Variants in CSNK2A2 observed in about 807,000 individuals in gnomAD.
CSNK2A2 encodes the protein casein kinase II subunit alpha'.
In CSNK2A2, 8 loss-of-function variants were observed where a neutral mutation model predicts 54.0. That is an observed-to-expected ratio of 0.15 (90% CI 0.09 to 0.27). The LOEUF (loss-of-function observed/expected upper bound fraction) is 0.27, where lower values mean the gene tolerates loss of function less well. Ranked by LOEUF, CSNK2A2 falls within the 10% of genes least tolerant of loss-of-function variation. The probability of loss-of-function intolerance (pLI) is 1.00; values close to 1 mark genes in which losing one functional copy is unlikely to be tolerated. For missense variants in CSNK2A2, 242 were observed against 439.4 expected (o/e 0.55, Z 4.02); for synonymous variants, 141 against 153.9 (o/e 0.92, Z 0.62).
At chr16:58,173,308 TG>T (rs752444530) in intron 5 of CSNK2A2, among the ~76,000 whole-genome samples, 2 of 152,218 alleles carry the variant, frequency 1.3e-5, no homozygotes, top group African/African-American at 2.4e-5. Context: ...TAATAAAAAG[TG>T]GTGCGTACAA....
At position 58,167,697 on chromosome 16, in the gene CSNK2A2, G is replaced by A. The variant is rs145261377; in HGVS notation, c.612C>T (p.Leu204=). The change falls in exon 7 of 12, where the codon CTC becomes CTT. Residue 204 remains leucine, a synonymous_variant. Coordinates refer to ENST00000262506, the MANE Select transcript of CSNK2A2 (RefSeq NM_001896.4). ...CTAACAAGTTTACCTGATAGTCCACGAGGAGCTCTGGTCCCTTGAAGTACC... is the reference window on the plus strand; with the variant it reads ...CTAACAAGTTTACCTGATAGTCCACAAGGAGCTCTGGTCCCTTGAAGTACC... ...ASRYFKGPEL[L]VDYQMYDYSL... 9.3e-6 allele frequency: 15 copies of A among 1,612,658 alleles called. No individual in the cohort carries two copies. Among genetic ancestry groups the A allele is most frequent in the African/African-American group, 2.7e-5 (2 of 74,862 alleles).
chr16:58,194,505 T>C (rs779757394), intron 2 of CSNK2A2, among the ~76,000 whole-genome samples: 8 of 152,186 alleles, frequency 5.3e-5, no homozygotes, highest in Non-Finnish European at 8.8e-5. Flanking sequence ...TTTTCACTAG[T>C]GGTTTAGGCT....
At chr16:58,196,249 A>G (rs1386946221) in intron 2 of CSNK2A2, among the ~76,000 whole-genome samples, 1 of 152,238 alleles carries the variant, frequency 6.6e-6, no homozygotes, top group Non-Finnish European at 1.5e-5. Flanking sequence ...ATGTCTGCAC[A>G]TTTTCTTGAA....
In CSNK2A2 at chr16:58,179,734, C is replaced by T. The variant is rs530707862; in HGVS notation, c.369+4526G>A. Among the ~76,000 whole-genome samples, 64 of 152,192 alleles carry T rather than the reference C, an allele frequency of 4.2e-4. No homozygotes were observed. In the South Asian group the frequency reaches 0.011, roughly 27 times the overall value. ...GTGAGTTCCATAACCATGGGATACA[C>T]GTAAAATGACGCTTAGGGTTGTACA... On this transcript the variant is annotated intron_variant, in intron 4 of 11. Coordinates refer to ENST00000262506, the MANE Select transcript of CSNK2A2 (RefSeq NM_001896.4).
chr16:58,197,516 C>T lies in CSNK2A2; in HGVS notation c.104+117G>A, dbSNP rs867066879. The T allele has an allele frequency of 1.2e-4, 63 of 516,662 alleles. No individual in the cohort carries two copies. Among genetic ancestry groups the T allele is most frequent in the African/African-American group, 7.9e-4 (38 of 48,082 alleles). The allele number at this position is 516,662 out of a possible 1,614,324, so 32.0% of individuals were successfully genotyped here. ...GTGCGAGAGCGGGACCTCTGCCTCCCTGCGGGCCCGCGGAGGGGTCGGCGG... is the reference window on the plus strand; with the variant it reads ...GTGCGAGAGCGGGACCTCTGCCTCCTTGCGGGCCCGCGGAGGGGTCGGCGG... On this transcript the variant is annotated intron_variant, in intron 1 of 11. Transcript: ENST00000262506. This position sits in a 1 kb window ranked among gnomAD's most constrained non-coding sequence, Gnocchi z 4.0.
At chr16:58,192,390 T>C (rs1962339594) in intron 2 of CSNK2A2, among the ~76,000 whole-genome samples, 1 of 151,582 alleles carries the variant, frequency 6.6e-6, no homozygotes, top group South Asian at 2.1e-4. Context: ...ACTATTAAAC[T>C]ATTAATCCCG....
At chr16:58,182,700 C>T (rs1962088727) in intron 4 of CSNK2A2, among the ~76,000 whole-genome samples, 1 of 152,084 alleles carries the variant, frequency 6.6e-6, no homozygotes, top group African/African-American at 2.4e-5. Flanking sequence ...GATAAGGTTT[C>T]AACTTTTGCA....
At chr16:58,196,670 G>A (rs1962461221) in intron 2 of CSNK2A2, 63 bp downstream of exon 2, 13 of 962,148 alleles carry the variant, frequency 1.4e-5, no homozygotes, top group South Asian at 5.1e-5. Flanking sequence ...TGTGACTGGG[G>A]TACCTTACAA....
At chr16:58,167,861 G>C in intron 6 of CSNK2A2, 66 bp from the exon 7 acceptor site, 1 of 1,178,674 alleles carries the variant, frequency 8.5e-7, no homozygotes, top group Admixed American at 1.7e-5. Context: ...TTAGAACAAG[G>C]CCACATCACA....
At chr16:58,182,260 G>A (rs1962060706) in intron 4 of CSNK2A2, among the ~76,000 whole-genome samples, 2 of 151,436 alleles carry the variant, frequency 1.3e-5, no homozygotes, top group Admixed American at 1.3e-4. Context: ...GCTAGGTGCG[G>A]TGGCTCACGC....
chr16:58,177,951 G>A (rs974559527), intron 4 of CSNK2A2, among the ~76,000 whole-genome samples: 35 of 152,132 alleles, frequency 2.3e-4, no homozygotes, highest in African/African-American at 8.2e-4. Flanking sequence ...AAGTTATTAC[G>A]AATCCCCTGA....
At chr16:58,183,328 G>A (rs1195385741) in intron 4 of CSNK2A2, among the ~76,000 whole-genome samples, 1 of 150,404 alleles carries the variant, frequency 6.6e-6, no homozygotes, top group African/African-American at 2.5e-5. Flanking sequence ...AGTGAGCCAA[G>A]ATCACACCAT....
At chr16:58,159,934 A>G (rs899572391) in intron 11 of CSNK2A2, 7 of 152,222 alleles carry the variant, frequency 4.6e-5, no homozygotes, top group African/African-American at 1.4e-4. Context: ...ACAATCCCCA[A>G]TACATGCAGT....
chr16:58,182,519 C>T (rs1224067033), intron 4 of CSNK2A2, among the ~76,000 whole-genome samples: 1 of 143,630 alleles, frequency 7.0e-6, no homozygotes, highest in Non-Finnish European at 1.5e-5. Flanking sequence ...TGCGCTATTG[C>T]ACTCCAGCCT....
intron 7 of CSNK2A2, 125 bp downstream of exon 7, chr16:58,167,560 A>G: frequency 2.7e-6 from 2 of 743,516 alleles, no homozygotes; most frequent in African/African-American, 1.8e-5. Flanking sequence ...AAAAACTAAA[A>G]TCAGCATTTT....
In CSNK2A2 at chr16:58,165,623, G is replaced by A; in HGVS notation, c.913C>T (p.Leu305Phe). Residue 305 changes from leucine (L) to phenylalanine (F), a missense_variant, in exon 10 of 12, where the codon CTT (leucine) becomes TTT (phenylalanine). Physicochemically the swap from Leu to Phe is conservative, Grantham distance 22. This residue lies in a region of CSNK2A2 where 81 missense variants were observed against 135.0 expected (regional missense o/e 0.60). Transcript: ENST00000262506. ...CTCTGTTGATGGTCGTATCGCAGAA[G>A]TTTGTCCAGAAGATCTAGGGCCTCA... ...SPEALDLLDK[L>F]LRYDHQQRLT... is the part of the protein sequence containing the mutation. 6.2e-7 allele frequency: 1 copy of A among 1,614,104 alleles called. No individual in the cohort carries two copies. Among genetic ancestry groups the A allele is most frequent in the Non-Finnish European group, 8.5e-7 (1 of 1,179,994 alleles).
Position 58,164,084 on chromosome 16 carries a change from G to A in CSNK2A2, c.1040C>T (p.Thr347Met), listed in dbSNP as rs753544192. ...GCTTTCCAGTCTTCATCGTGCTGCC[G>A]TGAGACCACTGGAAAGCACAGCATT... ...ADNAVLSSGLTAAR is the reference protein window; with the variant it reads ...ADNAVLSSGLMAAR Residue 347 changes from threonine (T) to methionine (M), a missense_variant, in exon 11 of 12, where the codon ACG (threonine) becomes ATG (methionine). Transcript: ENST00000262506. The A allele has an allele frequency of 6.8e-6, 11 of 1,613,636 alleles. No homozygotes were observed. The highest frequency in any genetic ancestry group is 4.4e-5 in the South Asian group (4 of 90,916).
rs149184009 is a variant in CSNK2A2 at position 58,190,815 on chromosome 16, T to C, written c.217-3959A>G. Among the ~76,000 whole-genome samples, 578 of 152,332 alleles carry C rather than the reference T, an allele frequency of 3.8e-3. 4 individuals are homozygous for C. The highest frequency in any genetic ancestry group is 0.013 in the African/African-American group (549 of 41,582). On this transcript the variant is annotated intron_variant, in intron 2 of 11. Transcript: ENST00000262506. Reference sequence around the variant, plus strand: ...AGAATGTAAAATGGTATAGCCACTATGGAAAGTTCCTCAAAACATTAATCA... The same window carrying C: ...AGAATGTAAAATGGTATAGCCACTACGGAAAGTTCCTCAAAACATTAATCA...
chr16:58,191,547 G>C (rs956932912), intron 2 of CSNK2A2, among the ~76,000 whole-genome samples: 1 of 152,066 alleles, frequency 6.6e-6, no homozygotes, highest in African/African-American at 2.4e-5. Flanking sequence ...ATTTTTAGTA[G>C]AGACGGAGTT....
Sources: allele counts gnomAD v4.1 joint callset (sites outside exome capture counted in the v4.1 genomes callset), GRCh38; gene constraint gnomAD v4.1.1; regional missense constraint gnomAD v4.1.1; non-coding constraint Gnocchi (gnomAD v3.1); transcripts MANE v1.5; gene names NCBI Gene and HGNC (gene_info 2026-07-23, HGNC 2026-07-21).